The following OR2L5 variants were observed in gnomAD, a reference collection of about 807,000 sequenced individuals.
OR2L5 encodes the protein olfactory receptor family 2 subfamily L member 5.
For missense variants in OR2L5, 413 were observed against 381.6 expected (o/e 1.08, Z -0.69); for synonymous variants, 169 against 142.0 (o/e 1.19, Z -1.35).
At chr1:248,014,956 A>G (rs541704865) in intron 1 of OR2L5, among the ~76,000 whole-genome samples, 44 of 152,272 alleles carry the variant, frequency 2.9e-4, no homozygotes, top group Non-Finnish European at 5.7e-4. Flanking sequence ...ATAACAGTCA[A>G]AGGATACTTC....
intron 1 of OR2L5, among the ~76,000 whole-genome samples, chr1:248,021,264 T>G (rs1345427249): frequency 6.6e-6 from 1 of 152,210 alleles, no homozygotes; most frequent in African/African-American, 2.4e-5. Context: ...TCATCAAATA[T>G]TAATCTCTGG....
rs767177375 is a variant in OR2L5 at position 248,022,497 on chromosome 1, T to C, written c.550T>C (p.Leu184=). The change falls in exon 2 of 2, where the codon TTG becomes CTG. Residue 184 remains leucine (L), a synonymous_variant. Transcript: ENST00000355281. ...TTTTTTCTGTGATGTTCCAGCTATG[T>C]TGACATTAGCCTGTACAGACACCTG... The part of the protein sequence containing the change: ...NHFFCDVPAM[L]TLACTDTWVY... The C allele has an allele frequency of 1.2e-6, 2 of 1,614,240 alleles. No individual in the cohort carries two copies. Among genetic ancestry groups the C allele is most frequent in the South Asian group, 2.2e-5 (2 of 91,090 alleles).
Position 248,023,185 on chromosome 1 carries a change from G to T in OR2L5, c.*299G>T. ...ATGTCCAAAGGAATCATATCATTCA[G>T]CATAATAGTTATATGTTAATTGTTT... On this transcript the variant is annotated 3_prime_UTR_variant, in exon 2 of 2. Coordinates refer to ENST00000355281, the MANE Select transcript of OR2L5 (RefSeq NM_001258284.2). 1 of 199,164 alleles carries T rather than the reference G, an allele frequency of 5.0e-6. No individual in the cohort carries two copies. Among genetic ancestry groups the T allele is most frequent in the Non-Finnish European group, 1.0e-5 (1 of 97,120 alleles). The allele number at this position is 199,164 out of a possible 1,614,324, so 12.3% of individuals were successfully genotyped here.
In OR2L5 at chr1:248,022,912, G is replaced by T. The variant is rs747685083; in HGVS notation, c.*26G>T. Reference sequence around the variant, plus strand: ...ACATACGTTCTGTGTTAGAGTCAAAGCGCTAGGTTCATATCAACTCAGCAG... The same window carrying T: ...ACATACGTTCTGTGTTAGAGTCAAATCGCTAGGTTCATATCAACTCAGCAG... On this transcript the variant is annotated 3_prime_UTR_variant, in exon 2 of 2. Coordinates refer to ENST00000355281, the MANE Select transcript of OR2L5 (RefSeq NM_001258284.2). 5 of 1,572,916 alleles carry T rather than the reference G, an allele frequency of 3.2e-6. No homozygotes were observed. Among genetic ancestry groups the T allele is most frequent in the Non-Finnish European group, 3.4e-6 (4 of 1,160,338 alleles).
Position 248,022,653 on chromosome 1 carries a change from G to C in OR2L5, c.706G>C (p.Ala236Pro), listed in dbSNP as rs773111628. The C allele has an allele frequency of 6.2e-7, 1 of 1,614,036 alleles. No homozygotes were observed. The highest frequency in any genetic ancestry group is 2.2e-5 in the East Asian group (1 of 44,876). Reference protein sequence around the residue: ...RMHSAEGRKKAYSTCSTHLTV... With the variant: ...RMHSAEGRKKPYSTCSTHLTV... ...GCACTCTGCAGAAGGGAGGAAAAAG[G>C]CCTATTCGACCTGCAGCACCCACCT... Residue 236 changes from alanine (A) to proline (P), a missense_variant, in exon 2 of 2, where the codon GCC (alanine) becomes CCC (proline). Physicochemically the swap from Ala to Pro is conservative, Grantham distance 27 (BLOSUM62 -1). Coordinates refer to ENST00000355281, the MANE Select transcript of OR2L5 (RefSeq NM_001258284.2).
intron 1 of OR2L5, among the ~76,000 whole-genome samples, chr1:248,016,209 A>G (rs1242413375): frequency 6.6e-6 from 1 of 152,230 alleles, no homozygotes; most frequent in African/African-American, 2.4e-5. Context: ...AAAGATAGTA[A>G]TATGTAATTC....
intron 1 of OR2L5, among the ~76,000 whole-genome samples, chr1:248,016,529 T>C (rs947890228): frequency 1.3e-5 from 2 of 152,146 alleles, no homozygotes; most frequent in Admixed American, 6.6e-5. Flanking sequence ...ATTCGTGATA[T>C]AAAAATCTTA....
In OR2L5 at chr1:248,013,805, T is replaced by A. The variant is rs151110405; in HGVS notation, c.-22+67T>A. On this transcript the variant is annotated intron_variant, in intron 1 of 1. Coordinates refer to ENST00000355281, the MANE Select transcript of OR2L5 (RefSeq NM_001258284.2). ...GGGAAGAAGAGACTCTGGCAAGCGC[T>A]TAAGAGAACTTTATTTCAGAAATCG... is the stretch of plus-strand genomic sequence containing the variant. 3.0e-4 allele frequency: 45 copies of A among 152,156 alleles called. 2 individuals are homozygous for A. Among genetic ancestry groups the A allele is most frequent in the Non-Finnish European group, 1.2e-4 (8 of 68,008 alleles). 9.4% of individuals were successfully genotyped at this position (152,156 alleles called of 1,614,324 possible).
At chr1:248,020,601 C>A (rs1211930372) in intron 1 of OR2L5, among the ~76,000 whole-genome samples, 1 of 151,868 alleles carries the variant, frequency 6.6e-6, no homozygotes, top group Non-Finnish European at 1.5e-5. Context: ...AATGAGGAGG[C>A]AAAAGAGAAT....
chr1:248,021,214 A>G (rs925613306), intron 1 of OR2L5, among the ~76,000 whole-genome samples: 1 of 152,158 alleles, frequency 6.6e-6, no homozygotes, highest in Admixed American at 6.5e-5. Flanking sequence ...CTATAAATGT[A>G]TATATTTCTT....
rs1662246127 is a variant in OR2L5, at chr1:248,018,071, C to T, written c.-21-3856C>T. Among the ~76,000 whole-genome samples the T allele has an allele frequency of 3.3e-5, 5 of 151,274 alleles. No individual in the cohort carries two copies. In the South Asian group the frequency reaches 1.0e-3, roughly 32 times the overall value. On this transcript the variant is annotated intron_variant, in intron 1 of 1. Coordinates refer to ENST00000355281, the MANE Select transcript of OR2L5 (RefSeq NM_001258284.2). ...TTGGGAGGCTGAGGCAGGAGAATGG[C>T]GTGAACCCGGGAGGCGGAGCTTGCA...
Position 248,022,539 on chromosome 1 carries a change from G to C in OR2L5, c.592G>C (p.Val198Leu), listed in dbSNP as rs147372573. Reference protein sequence around the residue: ...CTDTWVYEYTVFLSSTIFLVF... With the variant: ...CTDTWVYEYTLFLSSTIFLVF... ...AGACACCTGGGTCTATGAGTACACA[G>C]TGTTTTTGAGCAGCACCATCTTTCT... The change falls in exon 2 of 2, where the codon GTG becomes CTG. Residue 198 changes from valine to leucine, a missense_variant. Transcript: ENST00000355281. The C allele has an allele frequency of 2.3e-3, 3,732 of 1,614,194 alleles. 17 individuals are homozygous for C. Among genetic ancestry groups the C allele is most frequent in the Non-Finnish European group, 1.8e-3 (2,103 of 1,180,046 alleles).
At chr1:248,016,719 T>A (rs1662206244) in intron 1 of OR2L5, among the ~76,000 whole-genome samples, 1 of 151,950 alleles carries the variant, frequency 6.6e-6, no homozygotes, top group Admixed American at 6.6e-5. Context: ...AATGTATATT[T>A]ATATATGTAA....
At chr1:248,017,799 C>T (rs1662234273) in intron 1 of OR2L5, among the ~76,000 whole-genome samples, 1 of 152,048 alleles carries the variant, frequency 6.6e-6, no homozygotes, top group South Asian at 2.1e-4. Flanking sequence ...TTCGTGATTC[C>T]GTCTCTAGAA....
At chr1:248,014,625 C>T (rs1662146796) in intron 1 of OR2L5, among the ~76,000 whole-genome samples, 1 of 152,036 alleles carries the variant, frequency 6.6e-6, no homozygotes, top group Non-Finnish European at 1.5e-5. Flanking sequence ...ACAGTCATAG[C>T]AGATAACAAG....
At chr1:248,017,115 G>T (rs972572126) in intron 1 of OR2L5, among the ~76,000 whole-genome samples, 1 of 151,910 alleles carries the variant, frequency 6.6e-6, no homozygotes, top group African/African-American at 2.4e-5. Flanking sequence ...TTCATCTTTT[G>T]TATGACATCA....
rs2103080849 is a variant in OR2L5, at chr1:248,023,744, T to G, written c.*858T>G. 6.6e-6 allele frequency: 1 copy of G among 152,278 alleles called. No homozygotes were observed. Among genetic ancestry groups the G allele is most frequent in the South Asian group, 2.1e-4 (1 of 4,824 alleles). 9.4% of individuals were successfully genotyped at this position (152,278 alleles called of 1,614,324 possible). A position where few individuals can be genotyped will look rare whatever the true frequency, so the allele number is the denominator to read the frequency against. ...AAAAGTTGTCAGCTTAGGTCCATTC[T>G]CTGAGTGAAAGGCCATGGCTCTCCA... is the stretch of plus-strand genomic sequence containing the variant. On this transcript the variant is annotated 3_prime_UTR_variant, in exon 2 of 2. Coordinates refer to ENST00000355281, the MANE Select transcript of OR2L5 (RefSeq NM_001258284.2).
At chr1:248,021,003 A>C (rs1323505750) in intron 1 of OR2L5, among the ~76,000 whole-genome samples, 1 of 151,928 alleles carries the variant, frequency 6.6e-6, no homozygotes, top group East Asian at 1.9e-4. Flanking sequence ...CAGCTTTAGA[A>C]GTAAGTGTTA....
chr1:248,022,076 C>T lies in OR2L5; in HGVS notation c.129C>T (p.Ser43=), dbSNP rs757837283. 1.2e-6 allele frequency: 2 copies of T among 1,613,902 alleles called. No homozygotes were observed. The stretch of plus-strand genomic sequence containing the variant: ...TAATGGCTCTAATTGGAAACCTATC[C>T]ATGATTCTTCTCATCTTCTTGGACA... ...IFLMALIGNL[S]MILLIFLDTH... Residue 43 remains serine (S), a synonymous_variant, in exon 2 of 2, where the codon TCC becomes TCT. Coordinates refer to ENST00000355281, the MANE Select transcript of OR2L5 (RefSeq NM_001258284.2).
Sources: gnomAD v4.1 joint callset for allele counts (sites outside exome capture counted in the v4.1 genomes callset) on GRCh38, gnomAD v4.1.1 for gene constraint, MANE v1.5 for transcripts, NCBI Gene and HGNC (gene_info 2026-07-23, HGNC 2026-07-21) for gene names.